Variants in THRB observed in about 807,000 individuals in gnomAD.
THRB encodes the protein nuclear receptor subfamily 1 group A member 2.
In THRB, 12 loss-of-function variants were observed where a neutral mutation model predicts 47.8. That is an observed-to-expected ratio of 0.25 (90% CI 0.16 to 0.41). The LOEUF (loss-of-function observed/expected upper bound fraction) is 0.41. THRB is among the 10% of genes least tolerant of loss of function. The pLI is 1.00. For synonymous variants in THRB, 218 were observed against 212.2 expected (o/e 1.03, Z -0.24); for missense variants, 348 against 589.2 (o/e 0.59, Z 4.24).
chr3:24,368,056 C>G (rs1438073039), intron 1 of THRB, among the ~76,000 whole-genome samples: 1 of 152,094 alleles, frequency 6.6e-6, no homozygotes, highest in African/African-American at 2.4e-5. Context: ...ATCCCACATA[C>G]AAGATAACAA....
chr3:24,375,059 C>A (rs2065169939), intron 1 of THRB, among the ~76,000 whole-genome samples: 1 of 151,756 alleles, frequency 6.6e-6, no homozygotes. Context: ...TACACTAATT[C>A]TTTGGCACAG....
At chr3:24,210,880 G>A (rs2045950362) in intron 4 of THRB, among the ~76,000 whole-genome samples, 1 of 152,186 alleles carries the variant, frequency 6.6e-6, no homozygotes, top group South Asian at 2.1e-4. Context: ...CCATAGTAAT[G>A]TGGACATTTG....
intron 2 of THRB, among the ~76,000 whole-genome samples, chr3:24,324,302 T>C (rs80074868): frequency 5.0e-4 from 69 of 136,990 alleles, no homozygotes; most frequent in African/African-American, 1.9e-3. Context: ...ATCCATCCAT[T>C]CATTCTATCT....
intron 8 of THRB, among the ~76,000 whole-genome samples, chr3:24,136,015 A>T (rs546512331): frequency 3.9e-5 from 6 of 151,962 alleles, no homozygotes; most frequent in African/African-American, 1.4e-4. Flanking sequence ...TTTAAATGGC[A>T]CTGAGTGTCC....
intron 3 of THRB, among the ~76,000 whole-genome samples, chr3:24,280,245 T>C (rs991390663): frequency 6.6e-6 from 1 of 152,120 alleles, no homozygotes; most frequent in Non-Finnish European, 1.5e-5. Context: ...GATCTGAGAA[T>C]GGGCAGACTG....
intron 10 of THRB, among the ~76,000 whole-genome samples, chr3:24,126,767 C>T (rs1197444423): frequency 6.6e-6 from 1 of 152,228 alleles, no homozygotes; most frequent in Admixed American, 6.5e-5. Context: ...TGCTATCCTC[C>T]CATCTACAGG....
chr3:24,304,236 T>A (rs140809577), intron 2 of THRB, among the ~76,000 whole-genome samples: 1 of 152,276 alleles, frequency 6.6e-6, no homozygotes, highest in African/African-American at 2.4e-5. Flanking sequence ...TATGAGTTAA[T>A]AAAATAGATT....
Position 24,122,746 on chromosome 3 carries a change from T to G in THRB, c.*138A>C. The G allele has an allele frequency of 8.1e-7, 1 of 1,229,962 alleles. No homozygotes were observed. Among genetic ancestry groups the G allele is most frequent in the Non-Finnish European group, 1.2e-6 (1 of 848,554 alleles). The allele number at this position is 1,229,962 out of a possible 1,614,324, so 76.2% of individuals were successfully genotyped here. A position where few individuals can be genotyped will look rare whatever the true frequency, so the allele number is the denominator to read the frequency against. ...CATTCAAGGGGCAATTTCATCCATG[T>G]CTATGCCAAGGACTACTTCCCTTTT... is the stretch of plus-strand genomic sequence containing the variant. On this transcript the variant is annotated 3_prime_UTR_variant, in exon 11 of 11. Transcript: ENST00000646209.
At chr3:24,428,798 A>G (rs1264280363) in intron 1 of THRB, among the ~76,000 whole-genome samples, 2 of 151,874 alleles carry the variant, frequency 1.3e-5, no homozygotes, top group Non-Finnish European at 1.5e-5. Flanking sequence ...AATTTTCATC[A>G]AGAAGAATAC....
intron 1 of THRB, among the ~76,000 whole-genome samples, chr3:24,386,768 C>T (rs1271314757): frequency 6.6e-6 from 1 of 152,112 alleles, no homozygotes; most frequent in Non-Finnish European, 1.5e-5. Flanking sequence ...CAAGGGCTAC[C>T]ATTTTCTTGT....
At chr3:24,208,236 G>C (rs530601866) in intron 4 of THRB, among the ~76,000 whole-genome samples, 100 of 152,008 alleles carry the variant, frequency 6.6e-4, no homozygotes, top group Middle Eastern at 3.4e-3. Context: ...ATGCTCATGG[G>C]TAGGAAGAAT....
rs1246322647 is a variant in THRB at position 24,122,864 on chromosome 3, T to C, written c.*20A>G. The C allele has an allele frequency of 3.1e-6, 5 of 1,614,174 alleles. No individual in the cohort carries two copies. In the South Asian group the frequency reaches 3.3e-5, roughly 11 times the overall value. ...ACACCCAGTAGTGCTGTAGGAATTA[T>C]GAGAATGAATCCAGTCAGTCTAATC... is the stretch of plus-strand genomic sequence containing the variant. On this transcript the variant is annotated 3_prime_UTR_variant, in exon 11 of 11. Transcript: ENST00000646209.
At chr3:24,416,835 T>TA (rs1455792958) in intron 1 of THRB, among the ~76,000 whole-genome samples, 1 of 151,820 alleles carries the variant, frequency 6.6e-6, no homozygotes, top group Non-Finnish European at 1.5e-5. Context: ...ATCTGCACTG[T>TA]AAAAAGCTCC....
chr3:24,170,395 T>TATTA (rs2040275273), intron 5 of THRB, among the ~76,000 whole-genome samples: 1 of 152,190 alleles, frequency 6.6e-6, no homozygotes, highest in Non-Finnish European at 1.5e-5. Context: ...CCCACTTTAA[T>TATTA]ATTTTCTTGA....
At chr3:24,268,620 ATGTGATCC>A (rs779719350) in intron 3 of THRB, among the ~76,000 whole-genome samples, 1 of 152,106 alleles carries the variant, frequency 6.6e-6, no homozygotes, top group African/African-American at 2.4e-5. Flanking sequence ...GGCATTTATA[ATGTGATCC>A]TATATTTATA....
At chr3:24,181,603 C>T (rs2041902362) in intron 5 of THRB, among the ~76,000 whole-genome samples, 1 of 152,144 alleles carries the variant, frequency 6.6e-6, no homozygotes, top group South Asian at 2.1e-4. Context: ...CAGGGTCAGC[C>T]CTTGACAAAC....
At chr3:24,210,271 G>A (rs1265838056) in intron 4 of THRB, among the ~76,000 whole-genome samples, 1 of 152,220 alleles carries the variant, frequency 6.6e-6, no homozygotes, top group East Asian at 1.9e-4. Context: ...CTGCCAAAGT[G>A]AGGAAACTGC....
At chr3:24,297,644 G>C (rs904297307) in intron 2 of THRB, among the ~76,000 whole-genome samples, 4 of 152,238 alleles carry the variant, frequency 2.6e-5, no homozygotes, top group Admixed American at 2.6e-4. Flanking sequence ...AATGATGTGA[G>C]GTTCCCTCAC....
At chr3:24,327,773 G>T (rs1170429895) in intron 2 of THRB, among the ~76,000 whole-genome samples, 1 of 152,158 alleles carries the variant, frequency 6.6e-6, no homozygotes, top group Non-Finnish European at 1.5e-5. Flanking sequence ...TCAATGAGAG[G>T]ATAAAATTCA....
Sources: gnomAD v4.1 joint callset for allele counts (sites outside exome capture counted in the v4.1 genomes callset) on GRCh38, gnomAD v4.1.1 for gene constraint, MANE v1.5 for transcripts, NCBI Gene and HGNC (gene_info 2026-07-23, HGNC 2026-07-21) for gene names.